FSTL4: variants seen among roughly 807,000 people sequenced by gnomAD.
The protein encoded by FSTL4 is follistatin like 4.
FSTL4 carries 28 observed loss-of-function variants against 78.2 expected under a neutral mutation model. The observed-to-expected ratio is 0.36, with a 90% CI of 0.27 to 0.49. FSTL4 has a LOEUF of 0.49. FSTL4 is among the 20% of genes least tolerant of loss of function. The pLI is 0.98. For synonymous variants in FSTL4, 422 were observed against 440.5 expected (o/e 0.96, Z 0.53); for missense variants, 922 against 1,084.9 (o/e 0.85, Z 2.11).
At chr5:133,700,630 C>T in the FSTL4 span, among the ~76,000 whole-genome samples, 1 of 152,248 alleles carries the variant, frequency 6.6e-6, no homozygotes, top group Non-Finnish European at 1.5e-5. Flanking sequence ...GATACCCAAA[C>T]CTACTGCAAA....
At chr5:133,231,848 C>G (rs1309678769) in intron 8 of FSTL4, among the ~76,000 whole-genome samples, 1 of 152,174 alleles carries the variant, frequency 6.6e-6, no homozygotes, top group African/African-American at 2.4e-5. Context: ...CTCATTTTCT[C>G]TTAAATTTGA....
the FSTL4 span, among the ~76,000 whole-genome samples, chr5:133,689,984 C>A: frequency 2.0e-5 from 3 of 152,126 alleles, no homozygotes; most frequent in Non-Finnish European, 4.4e-5. Flanking sequence ...TTGCTCGAAC[C>A]CCGGAGGCAG....
At chr5:133,290,551 C>G (rs369858133) in intron 6 of FSTL4, among the ~76,000 whole-genome samples, 2 of 152,230 alleles carry the variant, frequency 1.3e-5, no homozygotes, top group Non-Finnish European at 2.9e-5. Flanking sequence ...GTTGTACTTT[C>G]CACTGGGTCT....
the FSTL4 span, among the ~76,000 whole-genome samples, chr5:133,684,855 T>C: frequency 6.6e-6 from 1 of 152,198 alleles, no homozygotes; most frequent in South Asian, 2.1e-4. Flanking sequence ...CAGCTGTAAA[T>C]AATGAACATC....
chr5:133,650,239 C>T, the FSTL4 span, among the ~76,000 whole-genome samples: 5 of 152,124 alleles, frequency 3.3e-5, no homozygotes, highest in Admixed American at 3.3e-4. Context: ...GGGCCCCATC[C>T]CCAACATCAG....
At chr5:133,357,263 C>T (rs938924077) in intron 4 of FSTL4, among the ~76,000 whole-genome samples, 2 of 152,104 alleles carry the variant, frequency 1.3e-5, no homozygotes, top group African/African-American at 2.4e-5. Context: ...GTGCTGTCCC[C>T]GTGCCCTGCC....
intron 3 of FSTL4, among the ~76,000 whole-genome samples, chr5:133,526,286 A>G (rs990604382): frequency 2.0e-5 from 3 of 152,144 alleles, no homozygotes; most frequent in African/African-American, 7.2e-5. Context: ...GGGTAGCCTC[A>G]TTATCAAGCA....
chr5:133,242,864 A>G (rs1751919926), intron 7 of FSTL4, among the ~76,000 whole-genome samples: 1 of 152,252 alleles, frequency 6.6e-6, no homozygotes, highest in African/African-American at 2.4e-5. Context: ...TTTAATGCAG[A>G]GCCTACAACC....
chr5:133,766,696 C>T, the FSTL4 span, among the ~76,000 whole-genome samples: 1 of 152,176 alleles, frequency 6.6e-6, no homozygotes, highest in Non-Finnish European at 1.5e-5. Flanking sequence ...AGGGTTAATG[C>T]AGCCAGCATT....
the FSTL4 span, among the ~76,000 whole-genome samples, chr5:133,699,317 T>C: frequency 2.0e-5 from 3 of 151,924 alleles, no homozygotes; most frequent in African/African-American, 7.3e-5. Flanking sequence ...CTAGCCAGAA[T>C]CAGCATCTGC....
the FSTL4 span, among the ~76,000 whole-genome samples, chr5:133,750,003 T>C: frequency 3.7e-4 from 56 of 152,146 alleles, no homozygotes; most frequent in African/African-American, 1.4e-3. Flanking sequence ...TCCTCTTCTC[T>C]CCAGGGGGCT....
intron 4 of FSTL4, among the ~76,000 whole-genome samples, chr5:133,321,836 T>C (rs1287215796): frequency 2.0e-5 from 3 of 152,182 alleles, no homozygotes; most frequent in Admixed American, 2.0e-4. Flanking sequence ...GTCCATGCCT[T>C]GAATGAGGCT....
At chr5:133,219,543 G>A (rs754102593) in intron 12 of FSTL4, among the ~76,000 whole-genome samples, 1 of 152,188 alleles carries the variant, frequency 6.6e-6, no homozygotes, top group Non-Finnish European at 1.5e-5. Flanking sequence ...GAGGCCTGAC[G>A]TGGGATGCCC....
chr5:133,459,780 C>T (rs1376324655), intron 3 of FSTL4, among the ~76,000 whole-genome samples: 3 of 152,100 alleles, frequency 2.0e-5, no homozygotes, highest in East Asian at 1.9e-4. Context: ...AATGCTGTGG[C>T]GCTGAGTTTT....
chr5:133,450,221 C>T (rs1208048670), intron 3 of FSTL4, among the ~76,000 whole-genome samples: 1 of 152,126 alleles, frequency 6.6e-6, no homozygotes, highest in Admixed American at 6.5e-5. Flanking sequence ...TGATTTCTAT[C>T]AGGGGAGACT....
intron 3 of FSTL4, among the ~76,000 whole-genome samples, chr5:133,452,720 G>T (rs1483655186): frequency 6.6e-6 from 1 of 152,252 alleles, no homozygotes; most frequent in Non-Finnish European, 1.5e-5. Context: ...TTGAATCCAG[G>T]AAAGCAGGAG....
intron 3 of FSTL4, among the ~76,000 whole-genome samples, chr5:133,557,296 GTT>G (rs1759811053): frequency 6.6e-6 from 1 of 152,234 alleles, no homozygotes; most frequent in South Asian, 2.1e-4. Flanking sequence ...CTAGGTGAAT[GTT>G]TGCTGATTCT....
At chr5:133,447,846 T>C (rs1757299389) in intron 3 of FSTL4, among the ~76,000 whole-genome samples, 1 of 152,216 alleles carries the variant, frequency 6.6e-6, no homozygotes, top group Admixed American at 6.5e-5. Flanking sequence ...AGCCTAGGAT[T>C]ATAATTTTCT....
chr5:133,741,740 G>A, the FSTL4 span, among the ~76,000 whole-genome samples: 1 of 152,308 alleles, frequency 6.6e-6, no homozygotes, highest in Admixed American at 6.5e-5. Context: ...TGTGGCCTGA[G>A]GCACTTCCTT....
Sources: allele counts gnomAD v4.1 joint callset (sites outside exome capture counted in the v4.1 genomes callset), GRCh38; gene constraint gnomAD v4.1.1; transcripts MANE v1.5; gene names NCBI Gene and HGNC (gene_info 2026-07-23, HGNC 2026-07-21).